CLMP: variants seen among roughly 807,000 people sequenced by gnomAD.
CLMP encodes CXADR like cell adhesion molecule.
CLMP carries 27 observed loss-of-function variants against 45.2 expected under a neutral mutation model. The ratio of observed to expected loss-of-function variants is 0.60; its 90% confidence interval spans 0.44 to 0.82. CLMP has a LOEUF of 0.82. CLMP is among the 40% of genes least tolerant of loss of function. The pLI is 0.00. For synonymous variants in CLMP, 167 were observed against 171.4 expected, an observed-to-expected ratio of 0.97 and a Z score of 0.20; for missense variants, 403 against 448.4, an observed-to-expected ratio of 0.90 and a Z score of 0.91.
chr11:123,103,981 C>T (rs1346490215), intron 1 of CLMP, among the ~76,000 whole-genome samples: 1 of 151,512 alleles, frequency 6.6e-6, no homozygotes, highest in African/African-American at 2.4e-5. Flanking sequence ...AGGCATGCAC[C>T]ACCATGCCTG....
chr11:123,171,447 C>CTTTTCTTTTTTTTT (rs1555086712), intron 1 of CLMP, among the ~76,000 whole-genome samples: 1 of 136,440 alleles, frequency 7.3e-6, no homozygotes, highest in Non-Finnish European at 1.6e-5. Context: ...CTTTTCTTTT[C>CTTTTCTTTTTTTTT]TTTTTTTTTT....
intron 1 of CLMP, among the ~76,000 whole-genome samples, chr11:123,150,472 AAAGAAAGAAAGGAAGGAAGGAAGGAAGG>A (rs1861305005): frequency 3.6e-5 from 3 of 84,286 alleles, no homozygotes; most frequent in East Asian, 3.0e-4. Context: ...AGAAAGAAAG[AAAGAAAGAAAGGAAGGAAGGAAGGAAGG>A]AAGGAAGGAA....
intron 1 of CLMP, among the ~76,000 whole-genome samples, chr11:123,153,811 T>C (rs1224533340): frequency 6.6e-6 from 1 of 151,388 alleles, no homozygotes; most frequent in African/African-American, 2.4e-5. Context: ...GCCTTCTTAG[T>C]AGCTGGGACT....
At chr11:123,137,893 T>C (rs1201487258) in intron 1 of CLMP, among the ~76,000 whole-genome samples, 1 of 152,164 alleles carries the variant, frequency 6.6e-6, no homozygotes, top group Non-Finnish European at 1.5e-5. Context: ...TCCTTTGTCC[T>C]TGGGGTTTCC....
At chr11:123,092,940 T>G (rs1865950810) in intron 2 of CLMP, among the ~76,000 whole-genome samples, 1 of 141,996 alleles carries the variant, frequency 7.0e-6, no homozygotes, top group African/African-American at 2.7e-5. Flanking sequence ...TGTTGTCTCA[T>G]GCTGTCGCCC....
intron 1 of CLMP, among the ~76,000 whole-genome samples, chr11:123,191,726 T>G (rs1861910772): frequency 6.6e-6 from 1 of 152,196 alleles, no homozygotes. Context: ...ATCTTCCAAA[T>G]TTTTCACCTC....
rs1565397469 is a variant in CLMP, at chr11:123,150,484, G to GAAAGAAAGA, written c.28+44428_28+44429insTCTTTCTTT. Among the ~76,000 whole-genome samples the GAAAGAAAGA allele has an allele frequency of 4.2e-3, 139 of 32,884 alleles. 2 individuals carry two copies. Among genetic ancestry groups the GAAAGAAAGA allele is most frequent in the Middle Eastern group, 0.019 (1 of 54 alleles). The allele number at this position is 32,884 out of a possible 152,430, so 21.6% of individuals were successfully genotyped here. On this transcript the variant is annotated intron_variant, in intron 1 of 6. Coordinates refer to ENST00000448775, the MANE Select transcript of CLMP (RefSeq NM_024769.5). Reference sequence around the variant, plus strand: ...GAAAGAAAGAAAGAAAGAAAGAAAGGAAGGAAGGAAGGAAGGAAGGAAGGA... The same window carrying GAAAGAAAGA: ...GAAAGAAAGAAAGAAAGAAAGAAAGGAAAGAAAGAAAGGAAGGAAGGAAGGAAGGAAGGA...
intron 1 of CLMP, among the ~76,000 whole-genome samples, chr11:123,125,204 G>A (rs1221264084): frequency 5.9e-5 from 9 of 152,088 alleles, no homozygotes; most frequent in Admixed American, 5.9e-4. Context: ...GGCCTTATAT[G>A]CATTTTTAAG....
intron 1 of CLMP, among the ~76,000 whole-genome samples, chr11:123,122,983 T>C (rs1860838517): frequency 6.6e-6 from 1 of 152,164 alleles, no homozygotes. Flanking sequence ...CCTGCTCTGC[T>C]CAAAATAACT....
At chr11:123,075,316 C>T (rs1183549586) in intron 5 of CLMP, among the ~76,000 whole-genome samples, 1 of 151,864 alleles carries the variant, frequency 6.6e-6, no homozygotes, top group African/African-American at 2.4e-5. Flanking sequence ...GTATGACCAA[C>T]CCTCTTGATA....
chr11:123,122,721 AT>A, intron 1 of CLMP, among the ~76,000 whole-genome samples: 1 of 152,166 alleles, frequency 6.6e-6, no homozygotes, highest in East Asian at 1.9e-4. Flanking sequence ...CATTTTGCTA[AT>A]TTTGACCTAT....
intron 1 of CLMP, among the ~76,000 whole-genome samples, chr11:123,158,256 C>A (rs1285174295): frequency 6.6e-6 from 1 of 152,180 alleles, no homozygotes; most frequent in Non-Finnish European, 1.5e-5. Flanking sequence ...GTCTGCCATC[C>A]CATCAATCAG....
intron 2 of CLMP, among the ~76,000 whole-genome samples, chr11:123,091,535 C>A (rs1215976666): frequency 6.6e-6 from 1 of 152,206 alleles, no homozygotes; most frequent in Admixed American, 6.5e-5. Context: ...CAAGACAGGT[C>A]CTGGCACTAG....
rs1037669011 is a variant in CLMP, at chr11:123,098,090, G to A, written c.29-138C>T. ...GGGTTGCAAGAGTCCTAGACCAGGT[G>A]TACTAGAAGTCCTGGTCTCACACTG... On this transcript the variant is annotated intron_variant, in intron 1 of 6. Coordinates refer to ENST00000448775, the MANE Select transcript of CLMP (RefSeq NM_024769.5). 1.3e-5 allele frequency: 7 copies of A among 553,354 alleles called. No individual in the cohort carries two copies. The African/African-American group carries it at 1.3e-4, about 11-fold the overall frequency. 34.3% of individuals were successfully genotyped at this position (553,354 alleles called of 1,614,324 possible). A position where few individuals can be genotyped will look rare whatever the true frequency, so the allele number is the denominator to read the frequency against.
chr11:123,156,962 C>A (rs1861422719), intron 1 of CLMP, among the ~76,000 whole-genome samples: 2 of 152,150 alleles, frequency 1.3e-5, no homozygotes, highest in South Asian at 4.1e-4. Context: ...ACCAAAATAA[C>A]ATTTAACAGC....
At chr11:123,186,521 C>CTT (rs113644477) in intron 1 of CLMP, among the ~76,000 whole-genome samples, 1 of 142,924 alleles carries the variant, frequency 7.0e-6, no homozygotes. Context: ...AATTTGTGAG[C>CTT]TTTTTTTTTT....
chr11:123,089,158 G>T (rs1419610473), intron 2 of CLMP, among the ~76,000 whole-genome samples: 2 of 151,940 alleles, frequency 1.3e-5, no homozygotes, highest in Non-Finnish European at 2.9e-5. Context: ...GCCAAGGCAG[G>T]CAGATCACTT....
intron 2 of CLMP, among the ~76,000 whole-genome samples, chr11:123,090,289 CAAAAA>C (rs762196704): frequency 8.6e-6 from 1 of 116,320 alleles, no homozygotes; most frequent in African/African-American, 3.0e-5. Flanking sequence ...CACTAAAATA[CAAAAA>C]AAAAAAAAAA....
At chr11:123,100,992 A>G (rs1389467197) in intron 1 of CLMP, among the ~76,000 whole-genome samples, 1 of 152,044 alleles carries the variant, frequency 6.6e-6, no homozygotes, top group African/African-American at 2.4e-5. Flanking sequence ...CTTGGGGAAC[A>G]AGTGGGCTCT....
Sources: allele counts gnomAD v4.1 joint callset (sites outside exome capture counted in the v4.1 genomes callset), GRCh38; gene constraint gnomAD v4.1.1; transcripts MANE v1.5; gene names NCBI Gene and HGNC (gene_info 2026-07-23, HGNC 2026-07-21).